Variants in CAP2 observed in about 807,000 individuals in gnomAD.
The protein encoded by CAP2 is adenylyl cyclase-associated protein 2.
A neutral mutation model predicts 57.7 loss-of-function variants in CAP2; 24 were observed. The observed-to-expected ratio is 0.42, with a 90% CI of 0.30 to 0.58. The LOEUF is 0.58. Among genes scored for constraint, CAP2 ranks in the 20% least tolerant of loss-of-function variants. The pLI, the probability that CAP2 is intolerant of heterozygous loss-of-function variation, is 0.22. For synonymous variants in CAP2, 194 were observed against 207.2 expected (o/e 0.94, Z 0.55); for missense variants, 501 against 590.3 (o/e 0.85, Z 1.57).
chr6:17,491,286 C>A (rs551752870), intron 4 of CAP2, among the ~76,000 whole-genome samples: 2 of 152,126 alleles, frequency 1.3e-5, no homozygotes, highest in East Asian at 3.9e-4. Context: ...AAGTTTCCAC[C>A]CCATTCTAAA....
intron 3 of CAP2, among the ~76,000 whole-genome samples, chr6:17,437,605 G>T (rs969048872): frequency 2.0e-5 from 3 of 152,108 alleles, no homozygotes; most frequent in Non-Finnish European, 2.9e-5. Flanking sequence ...CAGGCTGGGC[G>T]TGGTGGCTCA....
chr6:17,470,183 G>A lies in CAP2; in HGVS notation c.300+7110G>A, dbSNP rs9477446. Among the ~76,000 whole-genome samples, 889 of 152,184 alleles carry A rather than the reference G, an allele frequency of 5.8e-3. 13 individuals carry two copies. The highest frequency in any genetic ancestry group is 0.02 in the African/African-American group (815 of 41,510). On this transcript the variant is annotated intron_variant, in intron 4 of 12. Transcript: ENST00000229922. ...TTGAGAATCTTCTATCTTTTTCTCG[G>A]TATCTACTGGAGAATTAACTTGGTA...
intron 4 of CAP2, among the ~76,000 whole-genome samples, chr6:17,476,191 G>A (rs535948118): frequency 5.9e-5 from 9 of 152,308 alleles, no homozygotes; most frequent in Admixed American, 2.6e-4. Flanking sequence ...ATGGGAAAAT[G>A]TGGCTCCATG....
intron 4 of CAP2, among the ~76,000 whole-genome samples, chr6:17,467,814 C>T (rs1760908164): frequency 6.6e-6 from 1 of 152,188 alleles, no homozygotes; most frequent in Non-Finnish European, 1.5e-5. Flanking sequence ...TGAGCCACAG[C>T]ACCCGGCCTA....
chr6:17,480,382 T>G (rs1761258188), intron 4 of CAP2, among the ~76,000 whole-genome samples: 1 of 152,138 alleles, frequency 6.6e-6, no homozygotes, highest in Non-Finnish European at 1.5e-5. Context: ...TTTTAACAGG[T>G]GTAGTGTATT....
chr6:17,422,007 C>A (rs181113273), intron 2 of CAP2, among the ~76,000 whole-genome samples: 1 of 152,220 alleles, frequency 6.6e-6, no homozygotes, highest in Non-Finnish European at 1.5e-5. Flanking sequence ...CTCGGCCTCC[C>A]GAAGTGCTGG....
At chr6:17,548,315 CA>C (rs1312516625) in intron 11 of CAP2, among the ~76,000 whole-genome samples, 2 of 150,486 alleles carry the variant, frequency 1.3e-5, no homozygotes, top group African/African-American at 2.4e-5. Context: ...TGCAGTGAGC[CA>C]AGATCCCGCC....
At chr6:17,536,750 G>A (rs1762782714) in intron 7 of CAP2, among the ~76,000 whole-genome samples, 1 of 152,164 alleles carries the variant, frequency 6.6e-6, no homozygotes, top group African/African-American at 2.4e-5. Flanking sequence ...GTTGGGGGAA[G>A]GGGCTGTCCC....
intron 4 of CAP2, among the ~76,000 whole-genome samples, chr6:17,497,185 G>A (rs1284849810): frequency 2.6e-5 from 4 of 152,196 alleles, no homozygotes; most frequent in Admixed American, 1.3e-4. Context: ...TGATGAATTC[G>A]ATTGGTTTCA....
chr6:17,431,481 A>G (rs1759732870), intron 3 of CAP2, among the ~76,000 whole-genome samples: 1 of 152,196 alleles, frequency 6.6e-6, no homozygotes, highest in Non-Finnish European at 1.5e-5. Context: ...GACTTCTATA[A>G]AGGATGAACA....
At chr6:17,540,488 C>T (rs1040052701) in intron 8 of CAP2, among the ~76,000 whole-genome samples, 8 of 151,506 alleles carry the variant, frequency 5.3e-5, no homozygotes, top group South Asian at 2.1e-4. Flanking sequence ...CAGTGGCTCA[C>T]GCCTGTAATC....
intron 11 of CAP2, among the ~76,000 whole-genome samples, chr6:17,547,846 A>G (rs2113708059): frequency 6.6e-6 from 1 of 151,870 alleles, no homozygotes; most frequent in South Asian, 2.1e-4. Flanking sequence ...GTCTCAAAAA[A>G]AAAAAAAAAA....
In CAP2 at chr6:17,413,149, A is replaced by C. The variant is rs113457721; in HGVS notation, c.-1-8406A>C. ...CATTTTTCTCCTGCAGTGAGACCTG[A>C]TTAGAGGCCCTAGAGGAGTCAGTTG... On this transcript the variant is annotated intron_variant, in intron 1 of 12. Coordinates refer to ENST00000229922, the MANE Select transcript of CAP2 (RefSeq NM_006366.3). Among the ~76,000 whole-genome samples, 408 of 152,252 alleles carry C rather than the reference A, an allele frequency of 2.7e-3. 1 individual carries two copies. Among genetic ancestry groups the C allele is most frequent in the African/African-American group, 8.6e-3 (356 of 41,544 alleles).
At chr6:17,423,634 AT>A (rs1254025326) in intron 2 of CAP2, among the ~76,000 whole-genome samples, 6 of 152,198 alleles carry the variant, frequency 3.9e-5, no homozygotes, top group African/African-American at 4.8e-5. Flanking sequence ...GAAAAAAAAA[AT>A]CTCAATAATT....
At chr6:17,511,787 T>C (rs1180718856) in intron 6 of CAP2, among the ~76,000 whole-genome samples, 1 of 152,162 alleles carries the variant, frequency 6.6e-6, no homozygotes, top group African/African-American at 2.4e-5. Context: ...AGCAAGTCAT[T>C]TATTTTAGCT....
At chr6:17,438,860 C>T (rs1759984759) in intron 3 of CAP2, among the ~76,000 whole-genome samples, 1 of 150,188 alleles carries the variant, frequency 6.7e-6, no homozygotes, top group South Asian at 2.1e-4. Context: ...CGCCTATAAT[C>T]CCAGCACTTT....
chr6:17,522,088 G>A (rs142297176), intron 7 of CAP2, among the ~76,000 whole-genome samples: 2,071 of 151,876 alleles, frequency 0.014, 48 homozygotes, highest in African/African-American at 0.046. Flanking sequence ...TAGCCTGGGC[G>A]ACAGAGCAAG....
At chr6:17,397,190 G>T (rs1228175973) in intron 1 of CAP2, among the ~76,000 whole-genome samples, 2 of 152,090 alleles carry the variant, frequency 1.3e-5, no homozygotes, top group African/African-American at 2.4e-5. Flanking sequence ...CTCCTGAGTA[G>T]CTGGGATTAC....
intron 1 of CAP2, among the ~76,000 whole-genome samples, chr6:17,419,628 T>C (rs1759378203): frequency 1.3e-5 from 2 of 152,114 alleles, no homozygotes; most frequent in Admixed American, 1.3e-4. Flanking sequence ...ACTTACCCTA[T>C]GCACACTCAT....
Sources: gnomAD v4.1 joint callset for allele counts (sites outside exome capture counted in the v4.1 genomes callset) on GRCh38, gnomAD v4.1.1 for gene constraint, MANE v1.5 for transcripts, NCBI Gene and HGNC (gene_info 2026-07-23, HGNC 2026-07-21) for gene names.